PSD3: variants seen among roughly 807,000 people sequenced by gnomAD.
PSD3 encodes PH and SEC7 domain-containing protein 3.
Under a neutral mutation model 105.5 loss-of-function variants are expected in PSD3, and 49 were observed. The ratio of observed to expected loss-of-function variants is 0.46; its 90% CI spans 0.37 to 0.59. The LOEUF (loss-of-function observed/expected upper bound fraction) is 0.59. Among genes scored for constraint, PSD3 ranks in the 20% least tolerant of loss-of-function variants. The pLI, the probability that PSD3 is intolerant of heterozygous loss-of-function variation, is 0.00. For synonymous variants in PSD3, 557 were observed against 457.8 expected, an observed-to-expected ratio of 1.22 and a Z score of -2.77; for missense variants, 1,561 against 1,263.8, an observed-to-expected ratio of 1.24 and a Z score of -3.57.
intron 1 of PSD3, among the ~76,000 whole-genome samples, chr8:19,047,686 C>T (rs1455087013): frequency 6.6e-6 from 1 of 152,176 alleles, no homozygotes; most frequent in Non-Finnish European, 1.5e-5. Flanking sequence ...ATACCTGGCA[C>T]AACACGGGCA....
intron 9 of PSD3, among the ~76,000 whole-genome samples, chr8:18,758,854 T>C (rs1265752080): frequency 6.6e-6 from 1 of 152,150 alleles, no homozygotes; most frequent in African/African-American, 2.4e-5. Context: ...GTATCCTACA[T>C]ATTCTTGGAA....
intron 9 of PSD3, among the ~76,000 whole-genome samples, chr8:18,748,297 A>G (rs1368555167): frequency 1.3e-5 from 2 of 152,172 alleles, no homozygotes; most frequent in Admixed American, 1.3e-4. Context: ...AAAGGTATAT[A>G]CAACTCTTTT....
intron 2 of PSD3, among the ~76,000 whole-genome samples, chr8:18,930,221 A>C (rs1435938142): frequency 6.6e-6 from 1 of 152,212 alleles, no homozygotes. Flanking sequence ...AAAGCTGTCC[A>C]TAGAGATAGA....
intron 11 of PSD3, among the ~76,000 whole-genome samples, chr8:18,605,319 C>A (rs1053761155): frequency 2.0e-5 from 3 of 152,060 alleles, no homozygotes; most frequent in Non-Finnish European, 4.4e-5. Flanking sequence ...TTTTTTGGAT[C>A]TTTAAAATTT....
intron 4 of PSD3, among the ~76,000 whole-genome samples, chr8:18,843,049 G>A (rs1814778929): frequency 6.6e-6 from 1 of 152,054 alleles, no homozygotes; most frequent in Non-Finnish European, 1.5e-5. Flanking sequence ...CTTTGCTATA[G>A]CTGTTAATAA....
intron 9 of PSD3, among the ~76,000 whole-genome samples, chr8:18,664,096 C>G (rs1032181516): frequency 1.3e-5 from 2 of 152,182 alleles, no homozygotes; most frequent in African/African-American, 4.8e-5. Flanking sequence ...TACAACAATA[C>G]TGAAATTAGA....
intron 2 of PSD3, among the ~76,000 whole-genome samples, chr8:18,922,593 A>G (rs182838595): frequency 1.3e-5 from 2 of 152,276 alleles, no homozygotes; most frequent in East Asian, 3.9e-4. Flanking sequence ...TTCAACTGCA[A>G]TACTATCTAA....
At chr8:18,991,281 ACAGAGT>A (rs1825775047) in intron 1 of PSD3, among the ~76,000 whole-genome samples, 1 of 152,112 alleles carries the variant, frequency 6.6e-6, no homozygotes, top group Non-Finnish European at 1.5e-5. Context: ...GAACTTGGCT[ACAGAGT>A]CATAAGGTGA....
chr8:18,728,296 GCA>G (rs764026840), intron 9 of PSD3, among the ~76,000 whole-genome samples: 18 of 152,196 alleles, frequency 1.2e-4, no homozygotes, highest in Non-Finnish European at 2.2e-4. Flanking sequence ...ACTCTGCACA[GCA>G]CAGACATGGT....
At chr8:19,000,877 CAT>C (rs1387370242) in intron 1 of PSD3, 2 of 151,880 alleles carry the variant, frequency 1.3e-5, no homozygotes, top group African/African-American at 2.4e-5. Context: ...GCTAAAGAAA[CAT>C]ATTGAATGAG....
intron 1 of PSD3, among the ~76,000 whole-genome samples, chr8:19,003,755 GT>G (rs1826522494): frequency 6.6e-6 from 1 of 151,124 alleles, no homozygotes; most frequent in East Asian, 2.0e-4. Context: ...GGGGTGGGGG[GT>G]TGGGGACTTG....
At chr8:18,883,266 C>T (rs1259806356) in intron 2 of PSD3, among the ~76,000 whole-genome samples, 1 of 152,144 alleles carries the variant, frequency 6.6e-6, no homozygotes, top group Admixed American at 6.6e-5. Flanking sequence ...AACTGCCTGC[C>T]TCCTAACTCA....
intron 1 of PSD3, among the ~76,000 whole-genome samples, chr8:18,955,988 G>A (rs1478991820): frequency 2.0e-5 from 3 of 151,866 alleles, no homozygotes; most frequent in East Asian, 1.9e-4. Flanking sequence ...GGCTAGTCTC[G>A]AACCCCTGAC....
chr8:18,543,497 A>G (rs1800267356), intron 15 of PSD3, among the ~76,000 whole-genome samples: 1 of 152,080 alleles, frequency 6.6e-6, no homozygotes, highest in Non-Finnish European at 1.5e-5. Context: ...AGGCGCCTGT[A>G]GTCCCAGCTA....
At position 18,763,894 on chromosome 8, in the gene PSD3, A is replaced by G. The variant is rs192834125; in HGVS notation, c.2172+1555T>C. ...TTCACTATCATCTTCTCACAACAAAAAAACAAATAATACATACTTTCCCAT... is the reference window on the plus strand; with the variant it reads ...TTCACTATCATCTTCTCACAACAAAGAAACAAATAATACATACTTTCCCAT... On this transcript the variant is annotated intron_variant, in intron 9 of 15. Coordinates refer to ENST00000327040, the MANE Select transcript of PSD3 (RefSeq NM_015310.4). Among the ~76,000 whole-genome samples the G allele has an allele frequency of 7.6e-4, 116 of 152,286 alleles. 1 individual carries two copies. Among genetic ancestry groups the G allele is most frequent in the Admixed American group, 1.5e-3 (23 of 15,284 alleles).
chr8:18,795,148 T>C (rs1425942895), intron 8 of PSD3, among the ~76,000 whole-genome samples: 1 of 152,210 alleles, frequency 6.6e-6, no homozygotes, highest in Non-Finnish European at 1.5e-5. Flanking sequence ...CTTGATTATA[T>C]TCTTCTCCCT....
chr8:18,614,345 C>A (rs914046330), intron 11 of PSD3, among the ~76,000 whole-genome samples: 2 of 150,698 alleles, frequency 1.3e-5, no homozygotes, highest in South Asian at 2.1e-4. Flanking sequence ...CCCCATCCCC[C>A]CCCCAAAAAA....
In PSD3 at chr8:18,891,607, T is replaced by C. The variant is rs529527568; in HGVS notation, c.131-18874A>G. ...CTTTAAGAAGCTGGTTTATCCAACA[T>C]CCAACACCTGCACCTCCGAGAGCAC... On this transcript the variant is annotated intron_variant, in intron 2 of 15. Transcript: ENST00000327040. Among the ~76,000 whole-genome samples the C allele has an allele frequency of 9.4e-4, 143 of 151,694 alleles. 1 individual carries two copies. The highest frequency in any genetic ancestry group is 3.2e-3 in the African/African-American group (132 of 41,026).
intron 1 of PSD3, chr8:19,000,210 G>A (rs1445426384): frequency 6.6e-6 from 1 of 151,504 alleles, no homozygotes; most frequent in Non-Finnish European, 1.5e-5. Context: ...GGGCAAGATG[G>A]TGGGACCCCA....
Sources: allele counts gnomAD v4.1 joint callset (sites outside exome capture counted in the v4.1 genomes callset), GRCh38; gene constraint gnomAD v4.1.1; transcripts MANE v1.5; gene names NCBI Gene and HGNC (gene_info 2026-07-23, HGNC 2026-07-21).